The following INPP5F variants were observed in gnomAD, a reference collection of about 807,000 sequenced individuals.
The protein encoded by INPP5F is inositol polyphosphate-5-phosphatase F, also known as phosphatidylinositide 4-phosphatase SAC2.
A neutral mutation model predicts 137.2 loss-of-function variants in INPP5F; 97 were observed. The observed-to-expected ratio is 0.71, with a 90% CI of 0.60 to 0.84. The LOEUF (loss-of-function observed/expected upper bound fraction) is 0.84. Among genes scored for constraint, INPP5F ranks in the 40% least tolerant of loss-of-function variants. The pLI is 0.00. For synonymous variants in INPP5F, 504 were observed against 476.9 expected (o/e 1.06, Z -0.74); for missense variants, 1,271 against 1,371.9 (o/e 0.93, Z 1.16).
At chr10:119,764,919 CTTTA>C (rs767148378) in intron 2 of INPP5F, among the ~76,000 whole-genome samples, 16 of 151,328 alleles carry the variant, frequency 1.1e-4, no homozygotes, top group Non-Finnish European at 1.6e-4. Context: ...CTCTAGCTTA[CTTTA>C]TTTATTCATT....
At chr10:119,807,496 C>G (rs1334075111) in intron 12 of INPP5F, among the ~76,000 whole-genome samples, 1 of 152,088 alleles carries the variant, frequency 6.6e-6, no homozygotes, top group African/African-American at 2.4e-5. Context: ...GTATCAATTA[C>G]ATAGTGGTGT....
rs2134226046 is a variant in INPP5F, at chr10:119,798,073, T to A, written c.1048+433T>A. On this transcript the variant is annotated intron_variant, in intron 8 of 19. Coordinates refer to ENST00000650623, the MANE Select transcript of INPP5F (RefSeq NM_014937.4). The stretch of plus-strand genomic sequence containing the variant: ...TTTGTTTTTCTTTTTTAATCGAATA[T>A]TTTGTTTCTTCTAGTATTTTAACTT... 3.3e-5 allele frequency among the ~76,000 whole-genome samples: 5 copies of A among 152,174 alleles called. 1 individual carries two copies. The South Asian group carries it at 1.0e-3, about 32-fold the overall frequency.
At chr10:119,740,748 G>A (rs560225757) in intron 1 of INPP5F, among the ~76,000 whole-genome samples, 128 of 152,138 alleles carry the variant, frequency 8.4e-4, no homozygotes, top group African/African-American at 2.9e-3. Context: ...TCACCATGTT[G>A]GCCAGGCTGG....
At chr10:119,820,432 A>G (rs1218533270) in intron 15 of INPP5F, among the ~76,000 whole-genome samples, 1 of 152,224 alleles carries the variant, frequency 6.6e-6, no homozygotes, top group Non-Finnish European at 1.5e-5. Context: ...GATATCCTGA[A>G]TGTATAGTGT....
chr10:119,762,006 C>G (rs1849023755), intron 2 of INPP5F, among the ~76,000 whole-genome samples: 1 of 152,206 alleles, frequency 6.6e-6, no homozygotes, highest in Admixed American at 6.5e-5. Context: ...ATGCTCAAGT[C>G]TCGAAGTTGG....
chr10:119,779,962 AAC>A lies in INPP5F; in HGVS notation c.179-1671_179-1670del, dbSNP rs112300023. 6.5e-4 allele frequency among the ~76,000 whole-genome samples: 99 copies of A among 152,328 alleles called. 1 individual carries two copies. The highest frequency in any genetic ancestry group is 2.2e-3 in the African/African-American group (93 of 41,550). On this transcript the variant is annotated intron_variant, in intron 2 of 19. Coordinates refer to ENST00000650623, the MANE Select transcript of INPP5F (RefSeq NM_014937.4). ...CAGTATAGCAAATATGTAAACCAGTAACAGTCATTTATTATTATCAAGTCTTA... is the reference window on the plus strand; with the variant it reads ...CAGTATAGCAAATATGTAAACCAGTAAGTCATTTATTATTATCAAGTCTTA...
intron 3 of INPP5F, among the ~76,000 whole-genome samples, chr10:119,784,510 T>C (rs980161041): frequency 6.6e-6 from 1 of 152,254 alleles, no homozygotes; most frequent in Non-Finnish European, 1.5e-5. Context: ...TCTGCATTTA[T>C]TCCAGCAGCA....
chr10:119,799,992 G>T (rs1055920524), intron 9 of INPP5F, among the ~76,000 whole-genome samples: 1 of 151,738 alleles, frequency 6.6e-6, no homozygotes. Flanking sequence ...TGAAAAAAAT[G>T]ATAAATTAGA....
chr10:119,732,500 CTTTTTT>C (rs59388357), intron 1 of INPP5F, among the ~76,000 whole-genome samples: 6 of 115,568 alleles, frequency 5.2e-5, no homozygotes, highest in South Asian at 5.9e-4. Flanking sequence ...TTTCTTTTTT[CTTTTTT>C]TTTTTTTTTT....
rs769875743 is a variant in INPP5F at position 119,828,980 on chromosome 10, T to C, written c.*1200T>C. ...GCATATTCCAACAAGTATTGGTTCG[T>C]CTGGTGTCTTTAGAGCTTTACTCTG... On this transcript the variant is annotated 3_prime_UTR_variant, in exon 20 of 20. Coordinates refer to ENST00000650623, the MANE Select transcript of INPP5F (RefSeq NM_014937.4). 4.6e-5 allele frequency: 7 copies of C among 152,662 alleles called. No homozygotes were observed. Among genetic ancestry groups the C allele is most frequent in the Non-Finnish European group, 1.0e-4 (7 of 68,038 alleles). The allele number at this position is 152,662 out of a possible 1,614,324, so 9.5% of individuals were successfully genotyped here. A position where few individuals can be genotyped will look rare whatever the true frequency, so the allele number is the denominator to read the frequency against.
At chr10:119,764,206 C>CCTGGTTCCAAAG (rs1849086814) in intron 2 of INPP5F, among the ~76,000 whole-genome samples, 1 of 152,202 alleles carries the variant, frequency 6.6e-6, no homozygotes, top group Admixed American at 6.5e-5. Context: ...CTACCCATTA[C>CCTGGTTCCAAAG]CTGGTTCCAA....
At chr10:119,771,864 ATATATATATATATATATATTTTTT>A (rs1849353061) in intron 2 of INPP5F, among the ~76,000 whole-genome samples, 1 of 13,126 alleles carries the variant, frequency 7.6e-5, no homozygotes, top group African/African-American at 1.9e-4. Flanking sequence ...ATATATATAT[ATATATATATATATATATATTTTTT>A]TTTTTTTTTT....
rs1370347042 is a variant in INPP5F at position 119,781,622 on chromosome 10, TCTC to T, written c.179-9_179-7del. On this transcript the variant is annotated splice_polypyrimidine_tract_variant and intron_variant, in intron 2 of 19. Transcript: ENST00000650623. ...TAAAAACGCCAGACTTTATTATGACTCTCCTCTTTCAGATCTTCCATGGTGGCT... is the reference window on the plus strand; with the variant it reads ...TAAAAACGCCAGACTTTATTATGACTCTCTTTCAGATCTTCCATGGTGGCT... 7 of 1,599,132 alleles carry T rather than the reference TCTC, an allele frequency of 4.4e-6. No individual in the cohort carries two copies. The highest frequency in any genetic ancestry group is 1.7e-5 in the Admixed American group (1 of 59,276).
rs2134317014 is a variant in INPP5F at position 119,828,331 on chromosome 10, T to G, written c.*551T>G. On this transcript the variant is annotated 3_prime_UTR_variant, in exon 20 of 20. Transcript: ENST00000650623. Reference sequence around the variant, plus strand: ...GACACTAGAGAAATGAATTCTCATTTGATCCTAATTTTCCCCGTATTCTAC... The same window carrying G: ...GACACTAGAGAAATGAATTCTCATTGGATCCTAATTTTCCCCGTATTCTAC... 1 of 153,068 alleles carries G rather than the reference T, an allele frequency of 6.5e-6. No homozygotes were observed. Among genetic ancestry groups the G allele is most frequent in the South Asian group, 2.1e-4 (1 of 4,858 alleles). The allele number at this position is 153,068 out of a possible 1,614,324, so 9.5% of individuals were successfully genotyped here. A position where few individuals can be genotyped will look rare whatever the true frequency, so the allele number is the denominator to read the frequency against.
chr10:119,820,825 T>A, intron 15 of INPP5F, 21 bp from the exon 16 acceptor site: 2 of 1,567,710 alleles, frequency 1.3e-6, no homozygotes, highest in Middle Eastern at 1.7e-4. Context: ...ATACTTAATC[T>A]CCTGTGTCAT....
chr10:119,751,056 T>G lies in INPP5F; in HGVS notation c.98-20T>G. 1 of 1,484,412 alleles carries G rather than the reference T, an allele frequency of 6.7e-7. No individual in the cohort carries two copies. The highest frequency in any genetic ancestry group is 1.1e-5 in the South Asian group (1 of 88,268). 92.0% of individuals were successfully genotyped at this position (1,484,412 alleles called of 1,614,324 possible). The stretch of plus-strand genomic sequence containing the variant: ...TTTCTGGTGAATGTTTTCTCATCAC[T>G]GCTTCCTATTTTATTTTAGCTACTG... On this transcript the variant is annotated intron_variant, in intron 1 of 19. Transcript: ENST00000650623.
intron 19 of INPP5F, among the ~76,000 whole-genome samples, chr10:119,825,365 C>T (rs1347181394): frequency 4.6e-5 from 7 of 152,152 alleles, no homozygotes; most frequent in African/African-American, 1.7e-4. Context: ...ACTCTGAAGA[C>T]CCAGAGTTTC....
rs1304836187 is a variant in INPP5F at position 119,787,995 on chromosome 10, G to A, written c.316-3522G>A. Among the ~76,000 whole-genome samples the A allele has an allele frequency of 6.6e-6, 1 of 152,152 alleles. No homozygotes were observed. The highest frequency in any genetic ancestry group is 1.5e-5 in the Non-Finnish European group (1 of 68,014). The stretch of plus-strand genomic sequence containing the variant: ...CATTTCCATGAAGAAATACTGGTCT[G>A]GGCAAAAGATAGGGATCTGAATCAA... On this transcript the variant is annotated intron_variant, in intron 3 of 19. Coordinates refer to ENST00000650623, the MANE Select transcript of INPP5F (RefSeq NM_014937.4). This position sits in a 1 kb window ranked among gnomAD's most constrained non-coding sequence, Gnocchi z 4.1.
intron 1 of INPP5F, among the ~76,000 whole-genome samples, chr10:119,731,495 C>T (rs1848065529): frequency 6.6e-6 from 1 of 152,142 alleles, no homozygotes; most frequent in Non-Finnish European, 1.5e-5. Context: ...AAAACCCCGT[C>T]TCTACTGAAA....
Sources: allele counts gnomAD v4.1 joint callset (sites outside exome capture counted in the v4.1 genomes callset), GRCh38; gene constraint gnomAD v4.1.1; non-coding constraint Gnocchi (gnomAD v3.1); transcripts MANE v1.5; gene names NCBI Gene and HGNC (gene_info 2026-07-23, HGNC 2026-07-21).